The following NBPF15 variants were observed in gnomAD, a reference collection of about 807,000 sequenced individuals.
NBPF15 encodes NBPF member 15, also known as NBPF family member NBPF15.
Under a neutral mutation model 62.2 loss-of-function variants are expected in NBPF15, and 74 were observed. That is an observed-to-expected ratio of 1.19 (90% CI 0.99 to 1.44). The LOEUF is 1.44. Ranked by LOEUF, NBPF15 falls within the 40% of genes most tolerant of loss-of-function variation. The pLI, the probability that NBPF15 is intolerant of heterozygous loss-of-function variation, is 0.00. For synonymous variants in NBPF15, 244 were observed against 209.7 expected, an observed-to-expected ratio of 1.16 and a Z score of -1.41; for missense variants, 790 against 550.0, an observed-to-expected ratio of 1.44 and a Z score of -4.36.
Position 144,445,819 on chromosome 1 carries a change from G to T in NBPF15, c.-191+2956C>A, listed in dbSNP as rs112920183. 2.2e-4 allele frequency among the ~76,000 whole-genome samples: 31 copies of T among 143,510 alleles called. 1 individual carries two copies. The highest frequency in any genetic ancestry group is 7.2e-4 in the African/African-American group (28 of 38,996). 94.1% of individuals were successfully genotyped at this position (143,510 alleles called of 152,430 possible). A position where few individuals can be genotyped will look rare whatever the true frequency, so the allele number is the denominator to read the frequency against. ...TCAAAGCAATTTTTTGTAGTTTTTG[G>T]TGTACTGGCCTTACATAAATTTTGT... On this transcript the variant is annotated intron_variant, in intron 6 of 21. Transcript: ENST00000581897.
intron 4 of NBPF15, among the ~76,000 whole-genome samples, chr1:144,452,345 A>C (rs1287467054): frequency 6.6e-6 from 1 of 151,980 alleles, no homozygotes; most frequent in Non-Finnish European, 1.5e-5. Flanking sequence ...CAGGACTACT[A>C]TTATGTTCCC....
chr1:144,440,732 A>G (rs1198408045), intron 6 of NBPF15, among the ~76,000 whole-genome samples: 16 of 147,186 alleles, frequency 1.1e-4, no homozygotes, highest in Non-Finnish European at 2.2e-4. Flanking sequence ...GGCTCACTGC[A>G]AGCTCTGCCT....
At chr1:144,434,934 G>A (rs1677101692) in intron 12 of NBPF15, among the ~76,000 whole-genome samples, 177 bp downstream of exon 12, 1 of 151,948 alleles carries the variant, frequency 6.6e-6, no homozygotes, top group Non-Finnish European at 1.5e-5. Context: ...TTGATACTGG[G>A]GACTGGCAGA....
intron 4 of NBPF15, among the ~76,000 whole-genome samples, chr1:144,451,327 G>A (rs1336258506): frequency 3.3e-5 from 5 of 151,686 alleles, no homozygotes; most frequent in Admixed American, 1.3e-4. Context: ...ATACAATCGG[G>A]CTTTACACCG....
At chr1:144,445,143 G>A (rs1686362881) in intron 6 of NBPF15, among the ~76,000 whole-genome samples, 1 of 151,094 alleles carries the variant, frequency 6.6e-6, no homozygotes, top group South Asian at 2.1e-4. Flanking sequence ...TATGCTAACT[G>A]ACCATTCATG....
chr1:144,447,645 A>T (rs1241345681), intron 6 of NBPF15, among the ~76,000 whole-genome samples: 1 of 151,932 alleles, frequency 6.6e-6, no homozygotes, highest in Non-Finnish European at 1.5e-5. Context: ...AAAGGAGAAT[A>T]CTAGCTAATA....
chr1:144,425,107 C>A (rs1348380823), intron 19 of NBPF15, among the ~76,000 whole-genome samples: 1 of 146,556 alleles, frequency 6.8e-6, no homozygotes, highest in African/African-American at 2.6e-5. Flanking sequence ...CACACACAGA[C>A]ACACACACAC....
In NBPF15 at chr1:144,439,843, C is replaced by T. The variant is rs1328046344; in HGVS notation, c.161G>A (p.Arg54Gln). 3.4e-5 allele frequency: 55 copies of T among 1,604,876 alleles called. No individual in the cohort carries two copies. The highest frequency in any genetic ancestry group is 1.6e-4 in the East Asian group (7 of 44,848). The change falls in exon 8 of 22, where the codon CGA becomes CAA. Residue 54 changes from arginine to glutamine, a missense_variant. Arg to Gln is a conservative substitution (Grantham distance 43). Coordinates refer to ENST00000581897, the MANE Select transcript of NBPF15 (RefSeq NM_001385408.1). ...LTQLAGFLAN[R>Q]QKKYKYEECK... ...ATAGATCTTACTGTATTTCTTCTGTCGGTTGGCCAGGAAGCCGGCCAGTTG... is the reference window on the plus strand; with the variant it reads ...ATAGATCTTACTGTATTTCTTCTGTTGGTTGGCCAGGAAGCCGGCCAGTTG...
chr1:144,455,285 G>A (rs1453951178), intron 4 of NBPF15, among the ~76,000 whole-genome samples: 2 of 151,300 alleles, frequency 1.3e-5, no homozygotes, highest in African/African-American at 2.4e-5. Context: ...GAGAAGTAGG[G>A]AAGGAAGGAA....
chr1:144,426,850 A>G (rs1355913167), intron 17 of NBPF15, among the ~76,000 whole-genome samples, 197 bp downstream of exon 17: 2 of 148,494 alleles, frequency 1.3e-5, no homozygotes, highest in African/African-American at 2.5e-5. Flanking sequence ...TGGTCAACCT[A>G]TAGTAAGTTA....
At chr1:144,426,473 A>G in intron 17 of NBPF15, 23 bp from the exon 18 acceptor site, 1 of 819,938 alleles carries the variant, frequency 1.2e-6, no homozygotes, top group East Asian at 2.4e-5. Context: ...GAAAAAGTAA[A>G]GAATAAGCCA....
intron 20 of NBPF15, among the ~76,000 whole-genome samples, 191 bp from the exon 21 acceptor site, chr1:144,424,166 G>A (rs1667856789): frequency 6.6e-6 from 1 of 152,030 alleles, no homozygotes; most frequent in African/African-American, 2.4e-5. Flanking sequence ...CAGAAACTGT[G>A]GGTAAAGTGT....
intron 12 of NBPF15, among the ~76,000 whole-genome samples, chr1:144,434,448 C>A (rs1217939949): frequency 6.8e-6 from 1 of 147,948 alleles, no homozygotes; most frequent in Non-Finnish European, 1.5e-5. Flanking sequence ...TTGCACCAAG[C>A]CAAGATGGTG....
intron 6 of NBPF15, among the ~76,000 whole-genome samples, chr1:144,445,116 A>C (rs9438139): frequency 0.023 from 3,504 of 151,384 alleles, 89 homozygotes; most frequent in Middle Eastern, 0.065. Flanking sequence ...ATGACTAAAC[A>C]GTGGAGCATC....
rs1259922414 is a variant in NBPF15 at position 144,435,035 on chromosome 1, T to C, written c.772+76A>G. On this transcript the variant is annotated intron_variant, in intron 12 of 21. Transcript: ENST00000581897. The stretch of plus-strand genomic sequence containing the variant: ...AGTTTTTTATTCAAATGAATTTGTG[T>C]TGATAGAGCCTGTCTTCAGAGTTTA... 368 of 1,610,842 alleles carry C rather than the reference T, an allele frequency of 2.3e-4. 2 individuals are homozygous for C. Among genetic ancestry groups the C allele is most frequent in the Non-Finnish European group, 1.5e-4 (178 of 1,178,968 alleles).
At chr1:144,453,638 CAAAAAAAAAAAAA>C (rs200525708) in intron 4 of NBPF15, among the ~76,000 whole-genome samples, 1 of 36,412 alleles carries the variant, frequency 2.7e-5, no homozygotes, top group East Asian at 1.2e-3. Context: ...CAACACAAAG[CAAAAAAAAAAAAA>C]AAAAAAAAAA....
At chr1:144,423,286 G>C (rs368120787) in intron 21 of NBPF15, 30 bp from the exon 22 acceptor site, 20 of 1,611,192 alleles carry the variant, frequency 1.2e-5, no homozygotes, top group Non-Finnish European at 1.6e-5. Flanking sequence ...TAAAGAAGCA[G>C]CCAGGGAAAA....
At chr1:144,424,039 C>T in intron 20 of NBPF15, 64 bp from the exon 21 acceptor site, 1 of 759,612 alleles carries the variant, frequency 1.3e-6, no homozygotes, top group Non-Finnish European at 2.4e-6. Flanking sequence ...TAACAATCCA[C>T]TGTCTAATCC....
In NBPF15 at chr1:144,426,211, A is replaced by G. The variant is rs1295147668; in HGVS notation, c.1438+67T>C. On this transcript the variant is annotated intron_variant, in intron 18 of 21. Coordinates refer to ENST00000581897, the MANE Select transcript of NBPF15 (RefSeq NM_001385408.1). ...TCTCGGGTCAGTAAGGGCCACTTGG[A>G]ACAGGAATATCACCCCTATCTGGAA... The G allele has an allele frequency of 1.4e-5, 8 of 585,550 alleles. No homozygotes were observed. The African/African-American group carries it at 2.2e-4, about 16-fold the overall frequency. 36.3% of individuals were successfully genotyped at this position (585,550 alleles called of 1,614,324 possible).
Sources: gnomAD v4.1 joint callset for allele counts (sites outside exome capture counted in the v4.1 genomes callset) on GRCh38, gnomAD v4.1.1 for gene constraint, MANE v1.5 for transcripts, NCBI Gene and HGNC (gene_info 2026-07-23, HGNC 2026-07-21) for gene names.